Variants in AP3B1 observed in about 807,000 individuals in gnomAD.
AP3B1 encodes the protein AP-3 complex subunit beta-1.
AP3B1 carries 61 observed loss-of-function variants against 132.5 expected under a neutral mutation model. The observed-to-expected ratio is 0.46, with a 90% CI of 0.37 to 0.57. The LOEUF (loss-of-function observed/expected upper bound fraction) is 0.57. Among genes scored for constraint, AP3B1 ranks in the 20% least tolerant of loss-of-function variants. The probability of loss-of-function intolerance (pLI) is 0.00; values close to 1 mark genes in which losing one functional copy is unlikely to be tolerated. For missense variants in AP3B1, 1,120 were observed against 1,289.4 expected (o/e 0.87, Z 2.01); for synonymous variants, 388 against 438.3 (o/e 0.89, Z 1.43).
At chr5:78,181,220 A>C (rs1744354239) in intron 8 of AP3B1, among the ~76,000 whole-genome samples, 1 of 152,122 alleles carries the variant, frequency 6.6e-6, no homozygotes. Flanking sequence ...TTAAAACGTA[A>C]ATGAAGTCCA....
At chr5:78,128,662 G>A (rs951084148) in intron 16 of AP3B1, among the ~76,000 whole-genome samples, 1 of 152,056 alleles carries the variant, frequency 6.6e-6, no homozygotes, top group South Asian at 2.1e-4. Context: ...GCTGGGACAC[G>A]TAAGTCAACT....
intron 3 of AP3B1, among the ~76,000 whole-genome samples, chr5:78,233,885 G>A (rs78463073): frequency 0.012 from 1,766 of 152,128 alleles, 37 homozygotes; most frequent in African/African-American, 0.04. Context: ...ATGGCAGTCC[G>A]CAGATATTTC....
At chr5:78,151,276 C>G (rs934723135) in intron 14 of AP3B1, among the ~76,000 whole-genome samples, 1 of 152,128 alleles carries the variant, frequency 6.6e-6, no homozygotes, top group Non-Finnish European at 1.5e-5. Flanking sequence ...TCTTATACCC[C>G]AAAATACCTC....
intron 21 of AP3B1, among the ~76,000 whole-genome samples, chr5:78,099,131 T>A (rs767487915): frequency 6.6e-6 from 1 of 152,210 alleles, no homozygotes; most frequent in Non-Finnish European, 1.5e-5. Flanking sequence ...GAAGTCACTA[T>A]CTCTGAAGCA....
At chr5:78,184,301 G>C (rs537268435) in intron 7 of AP3B1, among the ~76,000 whole-genome samples, 1 of 152,096 alleles carries the variant, frequency 6.6e-6, no homozygotes, top group East Asian at 1.9e-4. Flanking sequence ...AGAGGAGGGG[G>C]ACAAAAGAAA....
intron 26 of AP3B1, among the ~76,000 whole-genome samples, chr5:78,011,339 C>T (rs1175504629): frequency 1.3e-5 from 2 of 152,138 alleles, no homozygotes; most frequent in Non-Finnish European, 2.9e-5. Flanking sequence ...AGCCACCATG[C>T]CCGGCCACTC....
chr5:78,067,567 C>T (rs1270822926), intron 22 of AP3B1, among the ~76,000 whole-genome samples: 2 of 152,176 alleles, frequency 1.3e-5, no homozygotes, highest in Admixed American at 1.3e-4. Context: ...TCTTAACAGT[C>T]TCTCAGACTA....
intron 15 of AP3B1, among the ~76,000 whole-genome samples, chr5:78,139,843 G>C (rs926292897): frequency 7.9e-5 from 12 of 152,034 alleles, no homozygotes; most frequent in Admixed American, 2.0e-4. Flanking sequence ...CAAACACACT[G>C]GACTGTAGTA....
chr5:78,111,099 A>G (rs976355428), intron 19 of AP3B1, among the ~76,000 whole-genome samples: 3 of 152,164 alleles, frequency 2.0e-5, no homozygotes, highest in Non-Finnish European at 4.4e-5. Flanking sequence ...TTCTGCTAAA[A>G]TAGACTTGTA....
chr5:78,121,173 C>A (rs1017274070), intron 17 of AP3B1, among the ~76,000 whole-genome samples: 19 of 152,036 alleles, frequency 1.2e-4, no homozygotes, highest in African/African-American at 4.1e-4. Context: ...ATACCAGAAT[C>A]TCTGGGACAC....
At chr5:78,124,009 T>C (rs534988280) in intron 17 of AP3B1, among the ~76,000 whole-genome samples, 10 of 152,286 alleles carry the variant, frequency 6.6e-5, no homozygotes, top group Admixed American at 1.3e-4. Flanking sequence ...CATAGAATAC[T>C]ATGCAGCCAT....
At chr5:78,281,575 T>C (rs1424270013) in intron 1 of AP3B1, among the ~76,000 whole-genome samples, 9 of 152,154 alleles carry the variant, frequency 5.9e-5, no homozygotes, top group African/African-American at 1.7e-4. Context: ...GACCAAACTA[T>C]ATTGAAACTT....
intron 24 of AP3B1, among the ~76,000 whole-genome samples, chr5:78,029,757 C>CT (rs1747493941): frequency 6.6e-6 from 1 of 152,178 alleles, no homozygotes; most frequent in Non-Finnish European, 1.5e-5. Context: ...CCACCTTGGC[C>CT]TTCCAAAGAG....
intron 25 of AP3B1, among the ~76,000 whole-genome samples, chr5:78,018,985 G>T (rs1746978143): frequency 6.6e-6 from 1 of 152,048 alleles, no homozygotes; most frequent in Non-Finnish European, 1.5e-5. Context: ...CCACATCAAA[G>T]AATGAATTCA....
intron 20 of AP3B1, among the ~76,000 whole-genome samples, chr5:78,108,998 T>C (rs901632921): frequency 6.6e-6 from 1 of 152,192 alleles, no homozygotes; most frequent in African/African-American, 2.4e-5. Flanking sequence ...TTACTGTCGA[T>C]TTGTAACTCT....
intron 11 of AP3B1, among the ~76,000 whole-genome samples, chr5:78,166,431 C>G (rs1743632453): frequency 6.6e-6 from 1 of 152,136 alleles, no homozygotes; most frequent in Admixed American, 6.5e-5. Flanking sequence ...GTTAATACAT[C>G]TGCTTTCCAG....
intron 17 of AP3B1, among the ~76,000 whole-genome samples, chr5:78,120,780 TCAA>T (rs1752146548): frequency 1.3e-5 from 2 of 152,030 alleles, no homozygotes; most frequent in Non-Finnish European, 1.5e-5. Context: ...ATTAAACAGA[TCAA>T]CGAGACAGAA....
At chr5:78,240,482 T>A (rs1229204049) in intron 3 of AP3B1, among the ~76,000 whole-genome samples, 1 of 152,150 alleles carries the variant, frequency 6.6e-6, no homozygotes, top group Non-Finnish European at 1.5e-5. Flanking sequence ...GTCCTAGAAA[T>A]CCCAAAAAGC....
intron 3 of AP3B1, among the ~76,000 whole-genome samples, chr5:78,235,229 G>C (rs945384411): frequency 6.6e-6 from 1 of 152,148 alleles, no homozygotes; most frequent in African/African-American, 2.4e-5. Flanking sequence ...TCACTCTACA[G>C]TTCTCTGGAA....
Sources: gnomAD v4.1 joint callset for allele counts (sites outside exome capture counted in the v4.1 genomes callset) on GRCh38, gnomAD v4.1.1 for gene constraint, MANE v1.5 for transcripts, NCBI Gene and HGNC (gene_info 2026-07-23, HGNC 2026-07-21) for gene names.